The following CLDN23 variants were observed in gnomAD, a reference collection of about 807,000 sequenced individuals.
CLDN23 encodes the protein claudin-23.
CLDN23 carries 3 observed loss-of-function variants against 1.4 expected under a neutral mutation model. That is an observed-to-expected ratio of 2.10 (90% CI 0.96 to 5.43). The LOEUF is 5.43. CLDN23 is among the 30% of genes most tolerant of loss of function. The pLI is 0.02. For synonymous variants in CLDN23, 291 were observed against 209.9 expected, an observed-to-expected ratio of 1.39 and a Z score of -3.34; for missense variants, 597 against 433.5, an observed-to-expected ratio of 1.38 and a Z score of -3.35.
chr8:8,702,361 G>T lies in CLDN23; in HGVS notation c.-38G>T. ...GGAGAAGGCGACAGCGGAGAAGGAAGGCAGGCTGCAGGGGCGCCGTCGGCG... is the reference window on the plus strand; with the variant it reads ...GGAGAAGGCGACAGCGGAGAAGGAATGCAGGCTGCAGGGGCGCCGTCGGCG... On this transcript the variant is annotated 5_prime_UTR_variant, in exon 1 of 1. In the 5' UTR this introduces an upstream ATG that the reference lacks. Coordinates refer to ENST00000519106, the MANE Select transcript of CLDN23 (RefSeq NM_194284.3). 1 of 1,478,532 alleles carries T rather than the reference G, an allele frequency of 6.8e-7. No homozygotes were observed. Among genetic ancestry groups the T allele is most frequent in the Non-Finnish European group, 8.9e-7 (1 of 1,120,732 alleles). 91.6% of individuals were successfully genotyped at this position (1,478,532 alleles called of 1,614,324 possible).
rs561363804 is a variant in CLDN23 at position 8,702,102 on chromosome 8, G to T, written c.-297G>T. ...CAGCCGCCCCTGGGCGCCCGCGCCC[G>T]GACCCGCGGTTTCGGTCAGACCCGC... On this transcript the variant is annotated 5_prime_UTR_variant, in exon 1 of 1. Transcript: ENST00000519106. 15 of 283,414 alleles carry T rather than the reference G, an allele frequency of 5.3e-5. No homozygotes were observed. Among genetic ancestry groups the T allele is most frequent in the Non-Finnish European group, 9.2e-5 (14 of 152,638 alleles). 17.6% of individuals were successfully genotyped at this position (283,414 alleles called of 1,614,324 possible). A position where few individuals can be genotyped will look rare whatever the true frequency, so the allele number is the denominator to read the frequency against.
Position 8,702,758 on chromosome 8 carries a change from G to A in CLDN23, c.360G>A (p.Val120=). ...TGCTGGCAGGGCTCTCGGGCGTCGT[G>A]CTCTTCGTCGCTGGCCTCCTCGGCC... ...NFVLAGLSGV[V]LFVAGLLGLI... The change falls in exon 1 of 1, where the codon GTG becomes GTA. Residue 120 remains valine (V), a synonymous_variant. Transcript: ENST00000519106. The A allele has an allele frequency of 6.2e-7, 1 of 1,610,096 alleles. No individual in the cohort carries two copies. Among genetic ancestry groups the A allele is most frequent in the South Asian group, 1.1e-5 (1 of 91,046 alleles).
chr8:8,702,502 G>A lies in CLDN23; in HGVS notation c.104G>A (p.Gly35Asp), dbSNP rs1321956392. 9.3e-6 allele frequency: 15 copies of A among 1,608,404 alleles called. No homozygotes were observed. The highest frequency in any genetic ancestry group is 1.0e-5 in the Non-Finnish European group (12 of 1,178,516). The change falls in exon 1 of 1, where the codon GGC (glycine) becomes GAC (aspartate). Residue 35 changes from glycine to aspartate, a missense_variant. Coordinates refer to ENST00000519106, the MANE Select transcript of CLDN23 (RefSeq NM_194284.3). ...TLAPGWRLVK[G>D]FLNQPVDVEL... ...GCGCCCGGCTGGCGGCTGGTGAAGG[G>A]CTTCCTGAACCAGCCAGTGGACGTG...
At position 8,702,025 on chromosome 8, in the gene CLDN23, G is replaced by A; in HGVS notation, c.-374G>A. ...CTGCCGCGGGCGAGGTGGCCCCGCC[G>A]CTTCCTGCGCTCACCTCGGGTCCCT... On this transcript the variant is annotated 5_prime_UTR_variant, in exon 1 of 1. Coordinates refer to ENST00000519106, the MANE Select transcript of CLDN23 (RefSeq NM_194284.3). 5.7e-6 allele frequency: 1 copy of A among 174,878 alleles called. No homozygotes were observed. Among genetic ancestry groups the A allele is most frequent in the Non-Finnish European group, 1.2e-5 (1 of 83,758 alleles). The allele number at this position is 174,878 out of a possible 1,614,324, so 10.8% of individuals were successfully genotyped here.
Position 8,703,965 on chromosome 8 carries a change from C to CA in CLDN23, c.*688_*689insA, listed in dbSNP as rs1802835325. The CA allele has an allele frequency of 6.0e-6, 1 of 167,054 alleles. No individual in the cohort carries two copies. The highest frequency in any genetic ancestry group is 1.5e-5 in the Non-Finnish European group (1 of 68,126). 10.3% of individuals were successfully genotyped at this position (167,054 alleles called of 1,614,324 possible). On this transcript the variant is annotated 3_prime_UTR_variant, in exon 1 of 1. Coordinates refer to ENST00000519106, the MANE Select transcript of CLDN23 (RefSeq NM_194284.3). ...ACAAAGGTCCTAATGCTGTACTATT[C>CA]CACCCTTTGGACGCCTCATCCAGGA...
In CLDN23 at chr8:8,702,265, C is replaced by T; in HGVS notation, c.-134C>T. On this transcript the variant is annotated 5_prime_UTR_variant, in exon 1 of 1. Coordinates refer to ENST00000519106, the MANE Select transcript of CLDN23 (RefSeq NM_194284.3). ...AGCGATCAGGGCTCAGGAGCCCGAC[C>T]CGGAGCCCGGGGCGTCCGCGCTGAC... 2 of 991,926 alleles carry T rather than the reference C, an allele frequency of 2.0e-6. No homozygotes were observed. Among genetic ancestry groups the T allele is most frequent in the Non-Finnish European group, 2.8e-6 (2 of 706,598 alleles). 61.4% of individuals were successfully genotyped at this position (991,926 alleles called of 1,614,324 possible). A position where few individuals can be genotyped will look rare whatever the true frequency, so the allele number is the denominator to read the frequency against.
At position 8,702,351 on chromosome 8, in the gene CLDN23, G is replaced by C; in HGVS notation, c.-48G>C. 1 of 1,470,066 alleles carries C rather than the reference G, an allele frequency of 6.8e-7. No homozygotes were observed. Among genetic ancestry groups the C allele is most frequent in the Non-Finnish European group, 9.0e-7 (1 of 1,116,822 alleles). The allele number at this position is 1,470,066 out of a possible 1,614,324, so 91.1% of individuals were successfully genotyped here. A position where few individuals can be genotyped will look rare whatever the true frequency, so the allele number is the denominator to read the frequency against. On this transcript the variant is annotated 5_prime_UTR_variant, in exon 1 of 1. Coordinates refer to ENST00000519106, the MANE Select transcript of CLDN23 (RefSeq NM_194284.3). Reference sequence around the variant, plus strand: ...AGACGACGGCGGAGAAGGCGACAGCGGAGAAGGAAGGCAGGCTGCAGGGGC... The same window carrying C: ...AGACGACGGCGGAGAAGGCGACAGCCGAGAAGGAAGGCAGGCTGCAGGGGC...
In CLDN23 at chr8:8,702,390, C is replaced by T. The variant is rs561426764; in HGVS notation, c.-9C>T. ...GGCTGCAGGGGCGCCGTCGGCGCGG[C>T]GGGCCGGGATGCGGACGCCGGTGGT... On this transcript the variant is annotated 5_prime_UTR_variant, in exon 1 of 1. Coordinates refer to ENST00000519106, the MANE Select transcript of CLDN23 (RefSeq NM_194284.3). 1.5e-4 allele frequency: 226 copies of T among 1,473,954 alleles called. 6 individuals carry two copies. The South Asian group carries it at 2.8e-3, about 18-fold the overall frequency. 91.3% of individuals were successfully genotyped at this position (1,473,954 alleles called of 1,614,324 possible).
In CLDN23 at chr8:8,702,723, C is replaced by A. The variant is rs747983902; in HGVS notation, c.325C>A (p.Pro109Thr). Residue 109 changes from proline (P) to threonine (T), a missense_variant, in exon 1 of 1, where the codon CCC (proline) becomes ACC (threonine). By Grantham distance (38) the Pro-to-Thr change is conservative (BLOSUM62 -1). Transcript: ENST00000519106. Reference sequence around the variant, plus strand: ...GGGCGTGCGCTGCTGGCAGGACGAGCCCAACTTCGTGCTGGCAGGGCTCTC... The same window carrying A: ...GGGCGTGCGCTGCTGGCAGGACGAGACCAACTTCGTGCTGGCAGGGCTCTC... The part of the protein sequence containing the change: ...SLGVRCWQDE[P>T]NFVLAGLSGV... 2 of 1,608,308 alleles carry A rather than the reference C, an allele frequency of 1.2e-6. No homozygotes were observed. Among genetic ancestry groups the A allele is most frequent in the Non-Finnish European group, 8.5e-7 (1 of 1,179,406 alleles).
Position 8,702,452 on chromosome 8 carries a change from C to G in CLDN23, c.54C>G (p.Leu18=), listed in dbSNP as rs749617569. Residue 18 remains leucine (L), a synonymous_variant, in exon 1 of 1, where the codon CTC becomes CTG. Transcript: ENST00000519106. The stretch of plus-strand genomic sequence containing the variant: ...GCATGGTGTTGGCGCCCTGCGGGCT[C>G]CTGCTCAACCTGACCGGCACCCTGG... ...TLGMVLAPCG[L]LLNLTGTLAP... 1 of 1,595,548 alleles carries G rather than the reference C, an allele frequency of 6.3e-7. No homozygotes were observed.
chr8:8,702,675 C>A lies in CLDN23; in HGVS notation c.277C>A (p.Leu93Met). ...LMVTSLAATV[L>M]GLLLASLGVR... ...GGTCACCTCGCTGGCCGCCACGGTC[C>A]TGGGGCTTCTGCTGGCGTCGCTGGG... The change falls in exon 1 of 1, where the codon CTG becomes ATG. Residue 93 changes from leucine to methionine, a missense_variant. By Grantham distance (15) the Leu-to-Met change is conservative. Transcript: ENST00000519106. 6.2e-7 allele frequency: 1 copy of A among 1,606,138 alleles called. No homozygotes were observed. The highest frequency in any genetic ancestry group is 8.5e-7 in the Non-Finnish European group (1 of 1,178,866).
chr8:8,702,308 T>TG lies in CLDN23; in HGVS notation c.-87dup. On this transcript the variant is annotated 5_prime_UTR_variant, in exon 1 of 1. Coordinates refer to ENST00000519106, the MANE Select transcript of CLDN23 (RefSeq NM_194284.3). ...GCGCTGACTTCGGGTCCCCGGAGCC[T>TG]GGGGCACGGCAGGGAGAAGACGACG... 1 of 1,385,742 alleles carries TG rather than the reference T, an allele frequency of 7.2e-7. No individual in the cohort carries two copies. The highest frequency in any genetic ancestry group is 9.4e-7 in the Non-Finnish European group (1 of 1,058,990). 85.8% of individuals were successfully genotyped at this position (1,385,742 alleles called of 1,614,324 possible). A position where few individuals can be genotyped will look rare whatever the true frequency, so the allele number is the denominator to read the frequency against.
At position 8,702,874 on chromosome 8, in the gene CLDN23, G is replaced by C; in HGVS notation, c.476G>C (p.Ser159Thr). The C allele has an allele frequency of 6.3e-7, 1 of 1,591,834 alleles. No individual in the cohort carries two copies. Among genetic ancestry groups the C allele is most frequent in the Non-Finnish European group, 8.5e-7 (1 of 1,169,602 alleles). The change falls in exon 1 of 1, where the codon AGC becomes ACC. Residue 159 changes from serine to threonine, a missense_variant. Physicochemically the swap from Ser to Thr is moderately conservative, Grantham distance 58. Coordinates refer to ENST00000519106, the MANE Select transcript of CLDN23 (RefSeq NM_194284.3). ...ASPVTVQVSY[S>T]LVLGYLGSCL... ...CCGGTCACGGTGCAGGTCAGCTACA[G>C]CCTGGTCCTGGGCTACCTGGGCAGC... is the stretch of plus-strand genomic sequence containing the variant.
chr8:8,702,671 G>A lies in CLDN23; in HGVS notation c.273G>A (p.Thr91=), dbSNP rs1268180780. The change falls in exon 1 of 1, where the codon ACG becomes ACA. Residue 91 remains threonine (T), a synonymous_variant. Transcript: ENST00000519106. ...TCATGGTCACCTCGCTGGCCGCCAC[G>A]GTCCTGGGGCTTCTGCTGGCGTCGC... ...RALMVTSLAA[T]VLGLLLASLG... The A allele has an allele frequency of 6.2e-7, 1 of 1,605,108 alleles. No individual in the cohort carries two copies. The highest frequency in any genetic ancestry group is 8.5e-7 in the Non-Finnish European group (1 of 1,178,164).
rs914845090 is a variant in CLDN23, at chr8:8,702,524, C to T, written c.126C>T (p.Asp42=). Residue 42 remains aspartate (D), a synonymous_variant, in exon 1 of 1, where the codon GAC becomes GAT. Coordinates refer to ENST00000519106, the MANE Select transcript of CLDN23 (RefSeq NM_194284.3). The stretch of plus-strand genomic sequence containing the variant: ...AGGGCTTCCTGAACCAGCCAGTGGA[C>T]GTGGAGTTGTACCAGGGCCTGTGGG... ...LVKGFLNQPV[D]VELYQGLWDM... 1 of 1,611,528 alleles carries T rather than the reference C, an allele frequency of 6.2e-7. No homozygotes were observed. Among genetic ancestry groups the T allele is most frequent in the Non-Finnish European group, 8.5e-7 (1 of 1,179,220 alleles).
At position 8,703,640 on chromosome 8, in the gene CLDN23, A is replaced by G. The variant is rs1802824561; in HGVS notation, c.*363A>G. 4.9e-6 allele frequency: 1 copy of G among 203,680 alleles called. No homozygotes were observed. Among genetic ancestry groups the G allele is most frequent in the South Asian group, 1.9e-4 (1 of 5,154 alleles). 12.6% of individuals were successfully genotyped at this position (203,680 alleles called of 1,614,324 possible). On this transcript the variant is annotated 3_prime_UTR_variant, in exon 1 of 1. Coordinates refer to ENST00000519106, the MANE Select transcript of CLDN23 (RefSeq NM_194284.3). ...TGTTGAAACGACAATATTCTAAAAT[A>G]CTGATGAATCTTGCATCAATATAAT...
chr8:8,703,562 C>A lies in CLDN23; in HGVS notation c.*285C>A. 1 of 336,348 alleles carries A rather than the reference C, an allele frequency of 3.0e-6. No individual in the cohort carries two copies. The allele number at this position is 336,348 out of a possible 1,614,324, so 20.8% of individuals were successfully genotyped here. A position where few individuals can be genotyped will look rare whatever the true frequency, so the allele number is the denominator to read the frequency against. ...TATATGGAAAGGGTGGCATTTGCGT[C>A]ACGTGGACCAGGGACAGTGCTGAAA... On this transcript the variant is annotated 3_prime_UTR_variant, in exon 1 of 1. Coordinates refer to ENST00000519106, the MANE Select transcript of CLDN23 (RefSeq NM_194284.3).
Position 8,702,044 on chromosome 8 carries a change from G to C in CLDN23, c.-355G>C, listed in dbSNP as rs1283611509. 1 of 193,966 alleles carries C rather than the reference G, an allele frequency of 5.2e-6. No individual in the cohort carries two copies. Among genetic ancestry groups the C allele is most frequent in the South Asian group, 1.9e-4 (1 of 5,246 alleles). 12.0% of individuals were successfully genotyped at this position (193,966 alleles called of 1,614,324 possible). On this transcript the variant is annotated 5_prime_UTR_variant, in exon 1 of 1. Coordinates refer to ENST00000519106, the MANE Select transcript of CLDN23 (RefSeq NM_194284.3). ...CCCGCCGCTTCCTGCGCTCACCTCG[G>C]GTCCCTCCCTCCCGGGCCAGGTTTG...
In CLDN23 at chr8:8,702,819, G is replaced by C. The variant is rs763902301; in HGVS notation, c.421G>C (p.Asp141His). 1 of 1,609,536 alleles carries C rather than the reference G, an allele frequency of 6.2e-7. No individual in the cohort carries two copies. The highest frequency in any genetic ancestry group is 8.5e-7 in the Non-Finnish European group (1 of 1,179,062). Residue 141 changes from aspartate (D) to histidine (H), a missense_variant, in exon 1 of 1, where the codon GAC becomes CAC. By Grantham distance (81) the Asp-to-His change is moderately conservative (BLOSUM62 -1). Coordinates refer to ENST00000519106, the MANE Select transcript of CLDN23 (RefSeq NM_194284.3). ...GTCCTGGTACAACCACTTCTTGGGG[G>C]ACCGCGACGTGCTGCCCGCCCCGGC... ...PVSWYNHFLGDRDVLPAPASP... is the reference protein window; with the variant it reads ...PVSWYNHFLGHRDVLPAPASP...
Sources: allele counts gnomAD v4.1 joint callset, GRCh38; gene constraint gnomAD v4.1.1; transcripts MANE v1.5; gene names NCBI Gene and HGNC (gene_info 2026-07-23, HGNC 2026-07-21).